Variants in ATG7 observed in about 807,000 individuals in gnomAD.
The protein encoded by ATG7 is autophagy related 7.
A neutral mutation model predicts 82.4 loss-of-function variants in ATG7; 70 were observed. The ratio of observed to expected loss-of-function variants is 0.85; its 90% CI spans 0.70 to 1.04. The LOEUF (loss-of-function observed/expected upper bound fraction) is 1.04, where lower values mean the gene tolerates loss of function less well. Among genes scored for constraint, ATG7 ranks in the 50% least tolerant of loss-of-function variants. The pLI, the probability that ATG7 is intolerant of heterozygous loss-of-function variation, is 0.00. For synonymous variants in ATG7, 287 were observed against 313.0 expected, an observed-to-expected ratio of 0.92 and a Z score of 0.88; for missense variants, 792 against 864.3, an observed-to-expected ratio of 0.92 and a Z score of 1.05.
At chr3:11,548,448 G>A (rs1182339493) in intron 20 of ATG7, among the ~76,000 whole-genome samples, 1 of 151,882 alleles carries the variant, frequency 6.6e-6, no homozygotes, top group Non-Finnish European at 1.5e-5. Flanking sequence ...TCCTTTTTTA[G>A]TCTTTAAAAT....
At chr3:11,377,076 A>C (rs2077474850) in intron 18 of ATG7, among the ~76,000 whole-genome samples, 1 of 152,208 alleles carries the variant, frequency 6.6e-6, no homozygotes. Flanking sequence ...GGAGTGGGTA[A>C]AAAATGACAG....
At chr3:11,421,467 A>G (rs995019415) in intron 19 of ATG7, among the ~76,000 whole-genome samples, 1 of 151,702 alleles carries the variant, frequency 6.6e-6, no homozygotes, top group Admixed American at 6.6e-5. Context: ...GTAAGAAGCA[A>G]CTCCTCATCT....
chr3:11,511,115 C>T (rs1334278646), intron 20 of ATG7, among the ~76,000 whole-genome samples: 1 of 152,120 alleles, frequency 6.6e-6, no homozygotes, highest in African/African-American at 2.4e-5. Flanking sequence ...AAAGAGTGAG[C>T]AGTAGCAAGA....
chr3:11,358,645 T>C (rs2076089238), intron 15 of ATG7, 33 bp downstream of exon 15: 1 of 1,598,180 alleles, frequency 6.3e-7, no homozygotes, highest in Admixed American at 1.7e-5. Flanking sequence ...ATTTATGATT[T>C]AATGCACCAC....
intron 8 of ATG7, among the ~76,000 whole-genome samples, chr3:11,313,823 C>T (rs997914719): frequency 6.6e-6 from 1 of 152,146 alleles, no homozygotes; most frequent in Non-Finnish European, 1.5e-5. Flanking sequence ...TGGTCTTCAA[C>T]ACCTGGGCTC....
At chr3:11,338,392 T>C (rs1310640983) in intron 11 of ATG7, among the ~76,000 whole-genome samples, 1 of 152,236 alleles carries the variant, frequency 6.6e-6, no homozygotes, top group Non-Finnish European at 1.5e-5. Flanking sequence ...ATGTCTTTGA[T>C]GTTAAGAGAC....
chr3:11,560,662 T>A (rs966545125), downstream of ATG7, among the ~76,000 whole-genome samples: 5 of 152,146 alleles, frequency 3.3e-5, no homozygotes, highest in South Asian at 1.0e-3. Flanking sequence ...TGCTTGGGTC[T>A]AACAAGAAGC....
At chr3:11,288,006 G>T (rs1341538386) in intron 3 of ATG7, among the ~76,000 whole-genome samples, 8 of 152,084 alleles carry the variant, frequency 5.3e-5, no homozygotes, top group African/African-American at 1.9e-4. Flanking sequence ...AATGGTTTTT[G>T]CATTTTTTTA....
chr3:11,293,637 C>G (rs1945337506), intron 3 of ATG7, among the ~76,000 whole-genome samples: 1 of 151,688 alleles, frequency 6.6e-6, no homozygotes, highest in South Asian at 2.1e-4. Context: ...CACTTGAGGT[C>G]AGGAGTTTGA....
intron 19 of ATG7, among the ~76,000 whole-genome samples, chr3:11,396,161 T>C (rs1456927738): frequency 6.7e-6 from 1 of 150,298 alleles, no homozygotes; most frequent in Non-Finnish European, 1.5e-5. Flanking sequence ...TGGGGATAAC[T>C]CTAGGCCAGG....
chr3:11,554,765 C>A, intron 20 of ATG7, 46 bp from the exon 21 acceptor site: 1 of 1,606,900 alleles, frequency 6.2e-7, no homozygotes, highest in Non-Finnish European at 8.5e-7. Context: ...TGCCCCCCAC[C>A]GGGCAGTGGG....
intron 20 of ATG7, among the ~76,000 whole-genome samples, chr3:11,499,471 C>T (rs919515685): frequency 2.6e-5 from 4 of 152,024 alleles, no homozygotes; most frequent in Admixed American, 6.6e-5. Context: ...TACGGCCAGG[C>T]GCAGTGGCTC....
intron 20 of ATG7, among the ~76,000 whole-genome samples, chr3:11,450,690 A>G (rs533823656): frequency 1.3e-5 from 2 of 152,332 alleles, no homozygotes; most frequent in African/African-American, 4.8e-5. Flanking sequence ...TTGCAGGGAT[A>G]TTAAATTTTT....
intron 20 of ATG7, among the ~76,000 whole-genome samples, chr3:11,517,015 G>A (rs1344717772): frequency 6.6e-6 from 1 of 152,134 alleles, no homozygotes; most frequent in Non-Finnish European, 1.5e-5. Context: ...CCTGGGAGGT[G>A]GAGGTTTCAG....
In ATG7 at chr3:11,554,960, A is replaced by G. The variant is rs527799780; in HGVS notation, c.*117A>G. On this transcript the variant is annotated 3_prime_UTR_variant, in exon 21 of 21. Coordinates refer to ENST00000693202, the MANE Select transcript of ATG7 (RefSeq NM_001349232.2). Reference sequence around the variant, plus strand: ...TTCTGGGCCCCTCCTCCATACCCCGAGGTCTGGGATTCCCCCCTCTGCTGC... The same window carrying G: ...TTCTGGGCCCCTCCTCCATACCCCGGGGTCTGGGATTCCCCCCTCTGCTGC... 3.8e-6 allele frequency: 5 copies of G among 1,323,554 alleles called. No individual in the cohort carries two copies. The African/African-American group carries it at 4.4e-5, about 12-fold the overall frequency. 82.0% of individuals were successfully genotyped at this position (1,323,554 alleles called of 1,614,324 possible). A position where few individuals can be genotyped will look rare whatever the true frequency, so the allele number is the denominator to read the frequency against.
chr3:11,426,444 C>T (rs999709343), intron 19 of ATG7, among the ~76,000 whole-genome samples: 1 of 152,098 alleles, frequency 6.6e-6, no homozygotes. Flanking sequence ...CCTCCCTTCT[C>T]ATTTATCCTT....
chr3:11,358,687 C>T, intron 15 of ATG7, 75 bp downstream of exon 15: 1 of 1,476,332 alleles, frequency 6.8e-7, no homozygotes, highest in Non-Finnish European at 9.1e-7. Flanking sequence ...CCTAACCTTC[C>T]CTTCCCCAGG....
chr3:11,540,440 T>C (rs1485443314), intron 20 of ATG7, among the ~76,000 whole-genome samples: 1 of 151,706 alleles, frequency 6.6e-6, no homozygotes, highest in African/African-American at 2.4e-5. Flanking sequence ...TAAGAGTTCT[T>C]CCACCCTGAG....
At chr3:11,384,468 A>C (rs1307841038) in intron 19 of ATG7, among the ~76,000 whole-genome samples, 1 of 152,190 alleles carries the variant, frequency 6.6e-6, no homozygotes, top group Non-Finnish European at 1.5e-5. Flanking sequence ...TAAACTCCTC[A>C]AAGTGACTTG....
Sources: gnomAD v4.1 joint callset for allele counts (sites outside exome capture counted in the v4.1 genomes callset) on GRCh38, gnomAD v4.1.1 for gene constraint, MANE v1.5 for transcripts, NCBI Gene and HGNC (gene_info 2026-07-23, HGNC 2026-07-21) for gene names.